The following BCAT1 variants were observed in gnomAD, a reference collection of about 807,000 sequenced individuals.
BCAT1 encodes branched-chain-amino-acid aminotransferase, cytosolic.
Under a neutral mutation model 52.4 loss-of-function variants are expected in BCAT1, and 48 were observed. The observed-to-expected ratio is 0.92, with a 90% confidence interval of 0.73 to 1.16. The LOEUF (loss-of-function observed/expected upper bound fraction) is 1.16, where lower values mean the gene tolerates loss of function less well. Ranked by LOEUF, BCAT1 falls within the 50% of genes most tolerant of loss-of-function variation. The probability of loss-of-function intolerance (pLI) is 0.00; values close to 1 mark genes in which losing one functional copy is unlikely to be tolerated. For missense variants in BCAT1, 451 were observed against 457.1 expected (o/e 0.99, Z 0.12); for synonymous variants, 167 against 161.3 (o/e 1.04, Z -0.27).
intron 1 of BCAT1, among the ~76,000 whole-genome samples, chr12:24,910,859 C>T (rs977686445): frequency 6.6e-6 from 1 of 152,198 alleles, no homozygotes; most frequent in Non-Finnish European, 1.5e-5. Context: ...AATCCCAGCA[C>T]TTTGGGAGGC....
intron 5 of BCAT1, among the ~76,000 whole-genome samples, chr12:24,874,142 C>T (rs1162902526): frequency 2.6e-5 from 4 of 151,906 alleles, no homozygotes; most frequent in South Asian, 2.1e-4. Flanking sequence ...GGTGAAACCC[C>T]GTCTCTACTA....
chr12:24,921,947 G>C (rs952073384), intron 1 of BCAT1, among the ~76,000 whole-genome samples: 2 of 152,078 alleles, frequency 1.3e-5, no homozygotes, highest in African/African-American at 4.8e-5. Flanking sequence ...AAAGGACTTC[G>C]TCGTTAGATA....
At chr12:24,930,584 T>G (rs1272205839) in intron 1 of BCAT1, among the ~76,000 whole-genome samples, 3 of 152,204 alleles carry the variant, frequency 2.0e-5, no homozygotes, top group African/African-American at 7.2e-5. Context: ...CATTTCTCAC[T>G]TAATTTTTAG....
intron 6 of BCAT1, among the ~76,000 whole-genome samples, chr12:24,844,336 CAG>C (rs1190571011): frequency 6.6e-6 from 1 of 151,994 alleles, no homozygotes; most frequent in Non-Finnish European, 1.5e-5. Flanking sequence ...GAGGCTGAGG[CAG>C]GAGAATTGCT....
At chr12:24,941,873 T>C (rs1279151423) in intron 1 of BCAT1, among the ~76,000 whole-genome samples, 2 of 152,202 alleles carry the variant, frequency 1.3e-5, no homozygotes, top group African/African-American at 2.4e-5. Flanking sequence ...GTGCAAATTA[T>C]AGATAGGATG....
At chr12:24,915,572 T>A (rs1474109977) in intron 1 of BCAT1, among the ~76,000 whole-genome samples, 1 of 152,168 alleles carries the variant, frequency 6.6e-6, no homozygotes, top group Non-Finnish European at 1.5e-5. Flanking sequence ...TTACACTTTT[T>A]GCTCTACCGT....
At chr12:24,825,855 T>C (rs1795946981) in intron 10 of BCAT1, among the ~76,000 whole-genome samples, 1 of 152,214 alleles carries the variant, frequency 6.6e-6, no homozygotes, top group South Asian at 2.1e-4. Flanking sequence ...GCTTTCCAGC[T>C]TGACATAATC....
At chr12:24,826,509 T>C (rs1940405240) in intron 10 of BCAT1, among the ~76,000 whole-genome samples, 1 of 152,210 alleles carries the variant, frequency 6.6e-6, no homozygotes, top group Non-Finnish European at 1.5e-5. Flanking sequence ...TCTGTTTTTA[T>C]ATCAGTACTA....
At position 24,876,275 on chromosome 12, in the gene BCAT1, A is replaced by G. The variant is rs181211165; in HGVS notation, c.510+2255T>C. ...GAGGGAGATGTAAAAAAAAAAAAAA[A>G]AAAGAAAGAAAAGAAAAATGAAAAC... On this transcript the variant is annotated intron_variant, in intron 5 of 10. Coordinates refer to ENST00000261192, the MANE Select transcript of BCAT1 (RefSeq NM_005504.7). Among the ~76,000 whole-genome samples the G allele has an allele frequency of 4.3e-3, 656 of 150,848 alleles. 7 individuals carry two copies. Among genetic ancestry groups the G allele is most frequent in the African/African-American group, 0.013 (532 of 41,310 alleles).
At position 24,916,502 on chromosome 12, in the gene BCAT1, G is replaced by T. The variant is rs1055004571; in HGVS notation, c.7-14617C>A. 2.7e-5 allele frequency among the ~76,000 whole-genome samples: 3 copies of T among 113,026 alleles called. No homozygotes were observed. The South Asian group carries it at 7.9e-4, about 30-fold the overall frequency. 74.1% of individuals were successfully genotyped at this position (113,026 alleles called of 152,430 possible). On this transcript the variant is annotated intron_variant, in intron 1 of 10. Transcript: ENST00000261192. The stretch of plus-strand genomic sequence containing the variant: ...TGTTTCCATGTGTCCAGTTACAAAA[G>T]AAAATAAGCTCTTTTTTTGTTTGTT...
chr12:24,860,357 T>C (rs1051683047), intron 5 of BCAT1, among the ~76,000 whole-genome samples: 17 of 152,224 alleles, frequency 1.1e-4, no homozygotes, highest in Non-Finnish European at 7.3e-5. Flanking sequence ...GCTTAAAATG[T>C]TGCTGATCCT....
chr12:24,878,120 C>A (rs1350657738), intron 5 of BCAT1, among the ~76,000 whole-genome samples: 4 of 151,590 alleles, frequency 2.6e-5, no homozygotes, highest in Non-Finnish European at 4.4e-5. Flanking sequence ...CATCACTGCA[C>A]CCCAGCCTAA....
At chr12:24,899,860 G>A (rs1020550299) in intron 2 of BCAT1, among the ~76,000 whole-genome samples, 16 of 152,028 alleles carry the variant, frequency 1.1e-4, no homozygotes, top group African/African-American at 3.9e-4. Flanking sequence ...ATCTCATGGA[G>A]GAAGAGAGTA....
rs954902145 is a variant in BCAT1, at chr12:24,841,504, T to C, written c.817+578A>G. On this transcript the variant is annotated intron_variant, in intron 7 of 10. Coordinates refer to ENST00000261192, the MANE Select transcript of BCAT1 (RefSeq NM_005504.7). ...GATAAGGAAGCAAATCTTCCAATCA[T>C]GGTAACTTAAATCCCTTAATGTGAC... Among the ~76,000 whole-genome samples, 14 of 152,326 alleles carry C rather than the reference T, an allele frequency of 9.2e-5. No homozygotes were observed. The East Asian group carries it at 2.1e-3, about 23-fold the overall frequency.
chr12:24,914,921 A>C (rs1943385482), intron 1 of BCAT1, among the ~76,000 whole-genome samples: 1 of 152,240 alleles, frequency 6.6e-6, no homozygotes, highest in Admixed American at 6.5e-5. Flanking sequence ...ACTCAAAAAA[A>C]CAATTATCAA....
intron 1 of BCAT1, chr12:24,945,908 G>A (rs1943927808): frequency 6.6e-6 from 1 of 152,200 alleles, no homozygotes. Flanking sequence ...GAAGGTCCCA[G>A]ATTCTCACTC....
At chr12:24,843,635 T>C (rs982004329) in intron 6 of BCAT1, among the ~76,000 whole-genome samples, 1 of 152,130 alleles carries the variant, frequency 6.6e-6, no homozygotes, top group Non-Finnish European at 1.5e-5. Flanking sequence ...TAGAGCCACA[T>C]GTTAGTGTAT....
At position 24,874,507 on chromosome 12, in the gene BCAT1, G is replaced by A. The variant is rs561863531; in HGVS notation, c.510+4023C>T. ...TTAGACTGTTATATCAGGGCCTATG[G>A]AAGTGAACTCAACACTGCCATTAGG... On this transcript the variant is annotated intron_variant, in intron 5 of 10. Coordinates refer to ENST00000261192, the MANE Select transcript of BCAT1 (RefSeq NM_005504.7). 4.6e-5 allele frequency among the ~76,000 whole-genome samples: 7 copies of A among 152,256 alleles called. No homozygotes were observed. In the East Asian group the frequency reaches 9.6e-4, roughly 21 times the overall value.
In BCAT1 at chr12:24,881,427, A is replaced by C; in HGVS notation, c.280-16T>G. The C allele has an allele frequency of 1.9e-6, 3 of 1,550,780 alleles. No homozygotes were observed. The highest frequency in any genetic ancestry group is 2.7e-6 in the Non-Finnish European group (3 of 1,123,498). On this transcript the variant is annotated splice_polypyrimidine_tract_variant and intron_variant, in intron 3 of 10. Coordinates refer to ENST00000261192, the MANE Select transcript of BCAT1 (RefSeq NM_005504.7). ...CTTCAAATAACTGGAGATCAAAGAG[A>C]AAAAATCTTAGAGGGTAACCAAAAG...
Sources: allele counts gnomAD v4.1 joint callset (sites outside exome capture counted in the v4.1 genomes callset), GRCh38; gene constraint gnomAD v4.1.1; transcripts MANE v1.5; gene names NCBI Gene and HGNC (gene_info 2026-07-23, HGNC 2026-07-21).